The following TEAD1 variants were observed in gnomAD, a reference collection of about 807,000 sequenced individuals.
TEAD1 encodes transcriptional enhancer factor TEF-1.
TEAD1 carries 9 observed loss-of-function variants against 54.9 expected under a neutral mutation model. The observed-to-expected ratio is 0.16, with a 90% CI of 0.10 to 0.29. TEAD1 has a LOEUF of 0.29. TEAD1 is among the 10% of genes least tolerant of loss of function. TEAD1 has a pLI of 1.00. For synonymous variants in TEAD1, 200 were observed against 187.8 expected (o/e 1.07, Z -0.53); for missense variants, 387 against 535.9 (o/e 0.72, Z 2.74).
intron 2 of TEAD1, among the ~76,000 whole-genome samples, chr11:12,707,751 C>G (rs959779887): frequency 4.6e-5 from 7 of 152,152 alleles, no homozygotes; most frequent in South Asian, 2.1e-4. Flanking sequence ...GTACTATTGT[C>G]TGGCACAGTA....
rs180842747 is a variant in TEAD1, at chr11:12,736,141, C to G, written c.-54-28038C>G. ...TTGTTTACTCTGGCAAGTAGTTTGC[C>G]TCTTGGATTCCTCTCTGTGAATCTG... On this transcript the variant is annotated intron_variant, in intron 2 of 12. Coordinates refer to ENST00000527636, the MANE Select transcript of TEAD1 (RefSeq NM_021961.6). Among the ~76,000 whole-genome samples the G allele has an allele frequency of 4.6e-5, 7 of 152,258 alleles. No homozygotes were observed. The East Asian group carries it at 1.4e-3, about 29-fold the overall frequency.
intron 2 of TEAD1, among the ~76,000 whole-genome samples, chr11:12,731,977 G>A (rs967435126): frequency 6.6e-5 from 10 of 152,126 alleles, no homozygotes; most frequent in Non-Finnish European, 1.2e-4. Flanking sequence ...CTGATAGTGC[G>A]TTAACTTTTA....
At chr11:12,862,740 G>A (rs887751600) in intron 4 of TEAD1, among the ~76,000 whole-genome samples, 4 of 152,164 alleles carry the variant, frequency 2.6e-5, no homozygotes, top group African/African-American at 7.2e-5. Flanking sequence ...AAAAAGTAAC[G>A]CCAGCAGCCT....
chr11:12,848,966 A>G (rs568059888), intron 3 of TEAD1: 5 of 151,592 alleles, frequency 3.3e-5, no homozygotes, highest in African/African-American at 1.2e-4. Context: ...AAAATAAAAT[A>G]AAAAAAAGCA....
At chr11:12,837,362 C>T (rs1018004526) in intron 3 of TEAD1, among the ~76,000 whole-genome samples, 1 of 152,124 alleles carries the variant, frequency 6.6e-6, no homozygotes, top group Non-Finnish European at 1.5e-5. Context: ...GGCATCGGGT[C>T]CTCAGTAACG....
intron 3 of TEAD1, among the ~76,000 whole-genome samples, chr11:12,833,433 C>T (rs1361822011): frequency 1.3e-5 from 2 of 152,074 alleles, no homozygotes; most frequent in South Asian, 4.2e-4. Context: ...ATATGCAAAG[C>T]AGAAGAGTGC....
chr11:12,720,081 A>G (rs1944161034), intron 2 of TEAD1, among the ~76,000 whole-genome samples: 1 of 142,256 alleles, frequency 7.0e-6, no homozygotes, highest in African/African-American at 2.6e-5. Context: ...CTCTCCTGGT[A>G]GTGAGGGGCA....
intron 3 of TEAD1, among the ~76,000 whole-genome samples, chr11:12,819,376 C>T (rs1212609153): frequency 4.6e-5 from 7 of 151,640 alleles, no homozygotes; most frequent in Non-Finnish European, 8.8e-5. Flanking sequence ...ACTTGGTAAC[C>T]CCTTCATTTA....
intron 2 of TEAD1, among the ~76,000 whole-genome samples, chr11:12,731,961 G>T (rs925546100): frequency 6.6e-6 from 1 of 152,136 alleles, no homozygotes; most frequent in Non-Finnish European, 1.5e-5. Flanking sequence ...TTCTAATCAG[G>T]ATAGCCTGAT....
At chr11:12,678,091 A>G (rs1477011845) in intron 2 of TEAD1, among the ~76,000 whole-genome samples, 1 of 152,208 alleles carries the variant, frequency 6.6e-6, no homozygotes, top group African/African-American at 2.4e-5. Context: ...AAATAAATAA[A>G]TATGAAAGCT....
chr11:12,702,378 A>G (rs895009503), intron 2 of TEAD1, among the ~76,000 whole-genome samples: 6 of 151,584 alleles, frequency 4.0e-5, no homozygotes, highest in Admixed American at 3.3e-4. Flanking sequence ...CCTCGACACC[A>G]CTCCCTCTTT....
chr11:12,679,003 C>T (rs1943159522), intron 2 of TEAD1, among the ~76,000 whole-genome samples: 4 of 152,116 alleles, frequency 2.6e-5, no homozygotes, highest in Admixed American at 6.5e-5. Context: ...CTTTTAAATT[C>T]TCCTTTGGTC....
chr11:12,930,424 G>T, intron 12 of TEAD1, 98 bp downstream of exon 12: 1 of 1,459,522 alleles, frequency 6.9e-7, no homozygotes. Context: ...CTGCGCCGAG[G>T]GAACTGACCA....
At chr11:12,859,925 G>A (rs1947465398) in intron 3 of TEAD1, among the ~76,000 whole-genome samples, 1 of 152,186 alleles carries the variant, frequency 6.6e-6, no homozygotes, top group African/African-American at 2.4e-5. Context: ...TTAATGCAGT[G>A]TTTGGCTGCA....
chr11:12,902,294 A>C (rs1170244367), intron 10 of TEAD1, among the ~76,000 whole-genome samples, 181 bp downstream of exon 10: 1 of 152,250 alleles, frequency 6.6e-6, no homozygotes, highest in Non-Finnish European at 1.5e-5. Flanking sequence ...GGCCTTATGC[A>C]TCCACATGGT....
chr11:12,864,511 G>A (rs1473216032), intron 4 of TEAD1, among the ~76,000 whole-genome samples: 2 of 152,010 alleles, frequency 1.3e-5, no homozygotes, highest in African/African-American at 4.8e-5. Flanking sequence ...TGTCTGGCTG[G>A]GACTGTGTAT....
At chr11:12,871,636 C>G (rs1220809901) in intron 5 of TEAD1, among the ~76,000 whole-genome samples, 1 of 152,080 alleles carries the variant, frequency 6.6e-6, no homozygotes, top group Admixed American at 6.6e-5. Flanking sequence ...TCCTTTCTTG[C>G]TGTTTTCAGA....
chr11:12,797,362 T>G (rs1200334820), intron 3 of TEAD1, among the ~76,000 whole-genome samples: 1 of 152,172 alleles, frequency 6.6e-6, no homozygotes, highest in Non-Finnish European at 1.5e-5. Context: ...GGGGTCTTGA[T>G]GTAGCATGCA....
At chr11:12,715,648 G>C (rs111529438) in intron 2 of TEAD1, among the ~76,000 whole-genome samples, 1 of 152,104 alleles carries the variant, frequency 6.6e-6, no homozygotes, top group Non-Finnish European at 1.5e-5. Flanking sequence ...GCCAGAAGGG[G>C]TTGGGATCAG....
Sources: gnomAD v4.1 joint callset for allele counts (sites outside exome capture counted in the v4.1 genomes callset) on GRCh38, gnomAD v4.1.1 for gene constraint, MANE v1.5 for transcripts, NCBI Gene and HGNC (gene_info 2026-07-23, HGNC 2026-07-21) for gene names.